TBC1D32: variants seen among roughly 807,000 people sequenced by gnomAD.
The protein encoded by TBC1D32 is TBC1 domain family member 32, also known as protein broad-minded.
TBC1D32 carries 151 observed loss-of-function variants against 170.3 expected under a neutral mutation model. The observed-to-expected ratio is 0.89, with a 90% CI of 0.78 to 1.01. The LOEUF (loss-of-function observed/expected upper bound fraction) is 1.01, where lower values mean the gene tolerates loss of function less well. Among genes scored for constraint, TBC1D32 ranks in the 50% least tolerant of loss-of-function variants. TBC1D32 has a pLI of 0.00. For synonymous variants in TBC1D32, 498 were observed against 488.0 expected (o/e 1.02, Z -0.27); for missense variants, 1,464 against 1,457.1 (o/e 1.00, Z -0.08).
Position 121,214,341 on chromosome 6 carries a change from G to A in TBC1D32, c.2481+8895C>T, listed in dbSNP as rs535508256. On this transcript the variant is annotated intron_variant, in intron 21 of 31. Coordinates refer to ENST00000398212, the MANE Select transcript of TBC1D32 (RefSeq NM_152730.6). ...CCCACTGGGCTCATTCCACCCATTC[G>A]GCCTGGCAAGCTGTGCTCAGCTCAT... is the stretch of plus-strand genomic sequence containing the variant. Among the ~76,000 whole-genome samples, 36 of 152,212 alleles carry A rather than the reference G, an allele frequency of 2.4e-4. 1 individual carries two copies. Among genetic ancestry groups the A allele is most frequent in the South Asian group, 1.2e-3 (6 of 4,814 alleles).
chr6:121,290,440 C>A (rs1311973313), intron 12 of TBC1D32, among the ~76,000 whole-genome samples: 1 of 151,898 alleles, frequency 6.6e-6, no homozygotes, highest in Non-Finnish European at 1.5e-5. Context: ...CAAATCAAAA[C>A]CACAATGAGA....
chr6:121,115,496 T>C (rs542428709), intron 26 of TBC1D32: 21 of 285,322 alleles, frequency 7.4e-5, no homozygotes, highest in African/African-American at 4.6e-4. Flanking sequence ...TTTAAAACAA[T>C]CTATTTTACT....
chr6:121,182,818 T>C (rs1726961305), intron 22 of TBC1D32, among the ~76,000 whole-genome samples: 1 of 151,914 alleles, frequency 6.6e-6, no homozygotes, highest in African/African-American at 2.4e-5. Context: ...AAAAATCAGG[T>C]ATGTATTTCA....
chr6:121,244,457 G>T (rs1268958378), intron 17 of TBC1D32, among the ~76,000 whole-genome samples: 3 of 152,086 alleles, frequency 2.0e-5, no homozygotes, highest in Non-Finnish European at 2.9e-5. Context: ...TGGGGGCAGG[G>T]TCTGAGCTCA....
At chr6:121,325,532 CCT>C (rs1810342300) in intron 1 of TBC1D32, among the ~76,000 whole-genome samples, 1 of 152,250 alleles carries the variant, frequency 6.6e-6, no homozygotes, top group Non-Finnish European at 1.5e-5. Context: ...GAAAGGATTC[CCT>C]GTTTAATAAA....
chr6:121,098,581 C>A (rs1396129788), intron 30 of TBC1D32, among the ~76,000 whole-genome samples: 2 of 152,138 alleles, frequency 1.3e-5, no homozygotes, highest in South Asian at 2.1e-4. Flanking sequence ...ATTTCTGTTG[C>A]ACTTCTAGGC....
At chr6:121,138,260 T>C (rs1782364285) in intron 24 of TBC1D32, among the ~76,000 whole-genome samples, 1 of 152,172 alleles carries the variant, frequency 6.6e-6, no homozygotes, top group African/African-American at 2.4e-5. Context: ...ACATAGATTA[T>C]TCCTTATTTT....
intron 24 of TBC1D32, among the ~76,000 whole-genome samples, chr6:121,145,042 C>T (rs1201179388): frequency 6.6e-6 from 1 of 152,088 alleles, no homozygotes; most frequent in Admixed American, 6.6e-5. Context: ...GGGTGAAAGC[C>T]TGATTAGCTT....
chr6:121,088,788 T>A (rs1776511165), intron 31 of TBC1D32, among the ~76,000 whole-genome samples: 1 of 152,214 alleles, frequency 6.6e-6, no homozygotes, highest in African/African-American at 2.4e-5. Flanking sequence ...CTTGCCTACA[T>A]GTTCTTAGTT....
chr6:121,160,133 G>A, intron 23 of TBC1D32, 30 bp from the exon 24 acceptor site: 1 of 1,340,482 alleles, frequency 7.5e-7, no homozygotes, highest in Non-Finnish European at 1.1e-6. Context: ...GATGACTTTA[G>A]GAAGTGGTCT....
In TBC1D32 at chr6:121,092,131, C is replaced by T. The variant is rs546190402; in HGVS notation, c.3466-1090G>A. Among the ~76,000 whole-genome samples the T allele has an allele frequency of 3.3e-5, 5 of 152,162 alleles. No homozygotes were observed. The South Asian group carries it at 1.0e-3, about 32-fold the overall frequency. On this transcript the variant is annotated intron_variant, in intron 30 of 31. Transcript: ENST00000398212. The stretch of plus-strand genomic sequence containing the variant: ...TCCAGAACTGTGAGAAAATAAATTT[C>T]TGTTGTTTTTAGCCACCAAGTTCAT...
intron 22 of TBC1D32, among the ~76,000 whole-genome samples, chr6:121,189,904 C>A (rs1789719051): frequency 6.6e-6 from 1 of 151,856 alleles, no homozygotes; most frequent in Non-Finnish European, 1.5e-5. Context: ...TCCTCATGTC[C>A]AATTATGGAA....
chr6:121,186,150 T>C (rs1057205215), intron 22 of TBC1D32, among the ~76,000 whole-genome samples: 3 of 152,110 alleles, frequency 2.0e-5, no homozygotes, highest in African/African-American at 7.2e-5. Context: ...GAACTGAAAA[T>C]TTAAACTTTC....
chr6:121,222,683 C>CATAT (rs10684658), intron 21 of TBC1D32, among the ~76,000 whole-genome samples: 134,370 of 152,152 alleles, frequency 0.88, 59,793 homozygotes, highest in East Asian at 0.98. Context: ...TGCATATACA[C>CATAT]GTTTCTATGT....
chr6:121,209,412 C>T (rs1190472255), intron 21 of TBC1D32, among the ~76,000 whole-genome samples: 1 of 152,132 alleles, frequency 6.6e-6, no homozygotes. Context: ...CTATGTTGTA[C>T]AGTAGATCTT....
At chr6:121,171,498 GT>G (rs1786995966) in intron 22 of TBC1D32, among the ~76,000 whole-genome samples, 1 of 151,796 alleles carries the variant, frequency 6.6e-6, no homozygotes, top group South Asian at 2.1e-4. Flanking sequence ...AAGGTTTTTT[GT>G]TTTGTTTTTT....
intron 29 of TBC1D32, among the ~76,000 whole-genome samples, chr6:121,111,885 A>G (rs2128196902): frequency 6.6e-6 from 1 of 152,314 alleles, no homozygotes; most frequent in East Asian, 1.9e-4. Context: ...AAACATTAGC[A>G]TAGCTGATAT....
At chr6:121,207,857 G>C (rs1792480946) in intron 21 of TBC1D32, among the ~76,000 whole-genome samples, 1 of 152,186 alleles carries the variant, frequency 6.6e-6, no homozygotes, top group African/African-American at 2.4e-5. Context: ...CCAATAGCTA[G>C]GTTTGGGCTA....
chr6:121,212,672 T>G (rs1359107707), intron 21 of TBC1D32, among the ~76,000 whole-genome samples: 9 of 152,052 alleles, frequency 5.9e-5, no homozygotes, highest in African/African-American at 2.2e-4. Flanking sequence ...CAGGCTGGTC[T>G]CAAACTCCTG....
Sources: gnomAD v4.1 joint callset for allele counts (sites outside exome capture counted in the v4.1 genomes callset) on GRCh38, gnomAD v4.1.1 for gene constraint, MANE v1.5 for transcripts, NCBI Gene and HGNC (gene_info 2026-07-23, HGNC 2026-07-21) for gene names.